Variants in SOCS7 observed in about 807,000 individuals in gnomAD.
SOCS7 encodes NAP-4.
In SOCS7, 18 loss-of-function variants were observed where a neutral mutation model predicts 58.9. The observed-to-expected ratio is 0.31, with a 90% CI of 0.21 to 0.45. The LOEUF (loss-of-function observed/expected upper bound fraction) is 0.45, where lower values mean the gene tolerates loss of function less well. Among genes scored for constraint, SOCS7 ranks in the 20% least tolerant of loss-of-function variants. The probability of loss-of-function intolerance (pLI) is 1.00; values close to 1 mark genes in which losing one functional copy is unlikely to be tolerated. For synonymous variants in SOCS7, 388 were observed against 364.3 expected, an observed-to-expected ratio of 1.06 and a Z score of -0.74; for missense variants, 667 against 837.3, an observed-to-expected ratio of 0.80 and a Z score of 2.51.
Position 38,384,426 on chromosome 17 carries a change from A to G in SOCS7, c.1681+6584A>G, listed in dbSNP as rs112186726. On this transcript the variant is annotated intron_variant, in intron 7 of 9. Coordinates refer to ENST00000612932, the MANE Select transcript of SOCS7 (RefSeq NM_014598.4). Reference sequence around the variant, plus strand: ...TCCCACCTCAGCCTCCCAAGTAGCTAGGACTACAGGCATGGGCCACCATGC... The same window carrying G: ...TCCCACCTCAGCCTCCCAAGTAGCTGGGACTACAGGCATGGGCCACCATGC... Among the ~76,000 whole-genome samples, 147 of 151,552 alleles carry G rather than the reference A, an allele frequency of 9.7e-4. 1 individual carries two copies. The highest frequency in any genetic ancestry group is 3.3e-3 in the African/African-American group (138 of 41,294).
At chr17:38,393,466 G>A (rs1458428556) in intron 7 of SOCS7, among the ~76,000 whole-genome samples, 1 of 152,014 alleles carries the variant, frequency 6.6e-6, no homozygotes, top group African/African-American at 2.4e-5. Context: ...GTGAAACCCC[G>A]TCTCTACTAA....
intron 7 of SOCS7, among the ~76,000 whole-genome samples, chr17:38,385,276 G>T (rs1415093724): frequency 6.6e-6 from 1 of 151,336 alleles, no homozygotes; most frequent in Non-Finnish European, 1.5e-5. Flanking sequence ...TTAAAATATT[G>T]TTATGTTTGG....
chr17:38,366,898 G>A (rs961313042), intron 5 of SOCS7, among the ~76,000 whole-genome samples: 9 of 152,190 alleles, frequency 5.9e-5, no homozygotes, highest in Non-Finnish European at 1.3e-4. Flanking sequence ...TAATAAAATT[G>A]AATTTGGGGA....
intron 7 of SOCS7, among the ~76,000 whole-genome samples, chr17:38,383,451 G>A (rs2038028583): frequency 6.6e-6 from 1 of 152,076 alleles, no homozygotes; most frequent in African/African-American, 2.4e-5. Flanking sequence ...TGATACTCTG[G>A]GTGGCCCCTC....
At chr17:38,355,441 C>T (rs2037624860) in intron 1 of SOCS7, among the ~76,000 whole-genome samples, 1 of 152,142 alleles carries the variant, frequency 6.6e-6, no homozygotes, top group Non-Finnish European at 1.5e-5. Flanking sequence ...TTGCTGGCAG[C>T]CTCGCAGCTG....
At chr17:38,361,569 A>G (rs1218501903) in intron 1 of SOCS7, 142 bp from the exon 2 acceptor site, 1 of 720,728 alleles carries the variant, frequency 1.4e-6, no homozygotes, top group Non-Finnish European at 2.5e-6. Context: ...CCTTTATTTT[A>G]TGCTGTATTA....
chr17:38,368,995 G>T (rs370406812), intron 6 of SOCS7, among the ~76,000 whole-genome samples: 3 of 152,172 alleles, frequency 2.0e-5, no homozygotes, highest in East Asian at 3.8e-4. Context: ...CCTAGAAGCC[G>T]ACTTGTTAAA....
chr17:38,362,917 C>G (rs1344222964), intron 2 of SOCS7, among the ~76,000 whole-genome samples: 1 of 152,070 alleles, frequency 6.6e-6, no homozygotes, highest in East Asian at 1.9e-4. Flanking sequence ...TTCAGACCAG[C>G]CTGGCCAACA....
intron 7 of SOCS7, among the ~76,000 whole-genome samples, chr17:38,389,863 G>GTGTGTATATATATATA (rs1555571058): frequency 0.034 from 750 of 22,276 alleles, 136 homozygotes; most frequent in African/African-American, 0.11. Flanking sequence ...GTGTGTATGT[G>GTGTGTATATATATATA]TGTACATATA....
chr17:38,360,507 C>CT (rs920669204), intron 1 of SOCS7, among the ~76,000 whole-genome samples: 6 of 150,490 alleles, frequency 4.0e-5, no homozygotes, highest in African/African-American at 7.3e-5. Context: ...TGGCATATTT[C>CT]TTTTTTTTTA....
rs1299925266 is a variant in SOCS7, at chr17:38,352,623, C to T, written c.571C>T (p.Leu191=). ...GGGCTTGGAATCGGAGGCCGAGAGC[C>T]TGGAGACTAACAGCTGCTCGGAAGA... is the stretch of plus-strand genomic sequence containing the variant. ...LEGLESEAES[L]ETNSCSEEEL... is the part of the protein sequence containing the mutation. The change falls in exon 1 of 10, where the codon CTG becomes TTG. Residue 191 remains leucine (L), a synonymous_variant. Transcript: ENST00000612932. This position sits in a 1 kb window ranked among gnomAD's most constrained non-coding sequence, Gnocchi z 5.5. 11 of 1,549,990 alleles carry T rather than the reference C, an allele frequency of 7.1e-6. No individual in the cohort carries two copies. The highest frequency in any genetic ancestry group is 1.4e-5 in the African/African-American group (1 of 73,070).
At chr17:38,397,684 A>C (rs1187430666) in intron 9 of SOCS7, among the ~76,000 whole-genome samples, 1 of 152,248 alleles carries the variant, frequency 6.6e-6, no homozygotes, top group East Asian at 1.9e-4. Flanking sequence ...TTTGGCACCC[A>C]GTATGAATTG....
intron 9 of SOCS7, 105 bp downstream of exon 9, chr17:38,396,103 C>G: frequency 1.1e-6 from 1 of 909,122 alleles, no homozygotes; most frequent in Non-Finnish European, 1.6e-6. Flanking sequence ...ATGGATAGCC[C>G]CGATCCAGGC....
intron 1 of SOCS7, among the ~76,000 whole-genome samples, chr17:38,353,433 T>C (rs745704605): frequency 2.6e-5 from 4 of 152,232 alleles, no homozygotes; most frequent in Non-Finnish European, 4.4e-5. Flanking sequence ...TTATTCTGTG[T>C]ACCAGCACCG....
rs562010548 is a variant in SOCS7 at position 38,352,601 on chromosome 17, C to T, written c.549C>T (p.Gly183=). 3 of 1,550,058 alleles carry T rather than the reference C, an allele frequency of 1.9e-6. No individual in the cohort carries two copies. The African/African-American group carries it at 4.1e-5, about 21-fold the overall frequency. Residue 183 remains glycine (G), a synonymous_variant, in exon 1 of 10, where the codon GGC becomes GGT. Transcript: ENST00000612932. The surrounding 1 kb of genome is among the most constrained non-coding windows in gnomAD (Gnocchi z 5.5). The part of the protein sequence containing the change: ...ETSDALLVLE[G]LESEAESLET... ...GCGACGCGCTGCTGGTCCTGGAGGGCTTGGAATCGGAGGCCGAGAGCCTGG... is the reference window on the plus strand; with the variant it reads ...GCGACGCGCTGCTGGTCCTGGAGGGTTTGGAATCGGAGGCCGAGAGCCTGG...
chr17:38,387,133 G>GTATA (rs1191192504), intron 7 of SOCS7, among the ~76,000 whole-genome samples: 11 of 73,480 alleles, frequency 1.5e-4, no homozygotes, highest in Non-Finnish European at 2.1e-4. Flanking sequence ...ATATATGTAT[G>GTATA]TATATATATA....
Position 38,395,370 on chromosome 17 carries a change from C to T in SOCS7, c.1743C>T (p.Ser581=). ...TGTCCCGATTCAGCAATGTCAAATCCCTCCAGCACCTTTGCAGATTCCGGA... is the reference window on the plus strand; with the variant it reads ...TGTCCCGATTCAGCAATGTCAAATCTCTCCAGCACCTTTGCAGATTCCGGA... ...YPVSRFSNVK[S]LQHLCRFRIR... Residue 581 remains serine (S), a synonymous_variant, in exon 8 of 10, where the codon TCC becomes TCT. Transcript: ENST00000612932. 6.2e-7 allele frequency: 1 copy of T among 1,614,102 alleles called. No homozygotes were observed. Among genetic ancestry groups the T allele is most frequent in the African/African-American group, 1.3e-5 (1 of 74,998 alleles).
chr17:38,395,160 A>G, intron 7 of SOCS7, 149 bp from the exon 8 acceptor site: 1 of 688,538 alleles, frequency 1.5e-6, no homozygotes, highest in Non-Finnish European at 2.3e-6. Context: ...ATGGAAATCA[A>G]CAGCACTTTG....
At chr17:38,399,087 CAA>C (rs1212485683) in intron 9 of SOCS7, among the ~76,000 whole-genome samples, 16 of 59,640 alleles carry the variant, frequency 2.7e-4, no homozygotes, top group Admixed American at 7.6e-4. Flanking sequence ...GACTCCGTCT[CAA>C]AAAAAAAAAA....
Sources: allele counts gnomAD v4.1 joint callset (sites outside exome capture counted in the v4.1 genomes callset), GRCh38; gene constraint gnomAD v4.1.1; non-coding constraint Gnocchi (gnomAD v3.1); transcripts MANE v1.5; gene names NCBI Gene and HGNC (gene_info 2026-07-23, HGNC 2026-07-21).